The following MYO10 variants were observed in gnomAD, a reference collection of about 807,000 sequenced individuals.
MYO10 encodes the protein unconventional myosin-X.
MYO10 carries 133 observed loss-of-function variants against 257.3 expected under a neutral mutation model. The ratio of observed to expected loss-of-function variants is 0.52; its 90% CI spans 0.45 to 0.60. MYO10 has a LOEUF of 0.60. MYO10 is among the 20% of genes least tolerant of loss of function. The pLI, the probability that MYO10 is intolerant of heterozygous loss-of-function variation, is 0.00. For synonymous variants in MYO10, 1,104 were observed against 1,028.6 expected (o/e 1.07, Z -1.40); for missense variants, 2,399 against 2,635.7 (o/e 0.91, Z 1.97).
intron 2 of MYO10, among the ~76,000 whole-genome samples, chr5:16,837,879 C>T (rs1275485347): frequency 1.3e-5 from 2 of 151,350 alleles, no homozygotes; most frequent in Non-Finnish European, 2.9e-5. Flanking sequence ...ACTTCACATC[C>T]GTGTCATATT....
intron 21 of MYO10, among the ~76,000 whole-genome samples, chr5:16,706,254 T>TA (rs1341271809): frequency 6.7e-6 from 1 of 150,146 alleles, no homozygotes; most frequent in Non-Finnish European, 1.5e-5. Flanking sequence ...TATATACACA[T>TA]ATACTCATAT....
At chr5:16,696,189 A>G (rs1191355774) in intron 26 of MYO10, among the ~76,000 whole-genome samples, 1 of 152,114 alleles carries the variant, frequency 6.6e-6, no homozygotes, top group Non-Finnish European at 1.5e-5. Flanking sequence ...TTATTTATTG[A>G]TAGCACTCAC....
At chr5:16,725,392 C>T (rs1055156558) in intron 19 of MYO10, among the ~76,000 whole-genome samples, 8 of 152,110 alleles carry the variant, frequency 5.3e-5, no homozygotes, top group African/African-American at 1.7e-4. Context: ...CTGTGCCCAG[C>T]CAAAATACTA....
chr5:16,676,823 G>C (rs926586764), intron 33 of MYO10, among the ~76,000 whole-genome samples: 1 of 152,198 alleles, frequency 6.6e-6, no homozygotes, highest in African/African-American at 2.4e-5. Context: ...GGGCAACATA[G>C]TGAGGCCCTG....
rs747780788 is a variant in MYO10 at position 16,680,029 on chromosome 5, C to T, written c.4460G>A (p.Arg1487Gln). The change falls in exon 33 of 41, where the codon CGG becomes CAG. Residue 1487 changes from arginine (R) to glutamine (Q), a missense_variant. Arg to Gln is a conservative substitution (Grantham distance 43). Coordinates refer to ENST00000513610, the MANE Select transcript of MYO10 (RefSeq NM_012334.3). ...CACGTTTTGAATGGCACTGGACCAC[C>T]GGGTGGCCTCGTTGAGCAGCTTGGT... ...LYTKLLNEAT[R>Q]WSSAIQNVTD... 2.3e-5 allele frequency: 37 copies of T among 1,613,712 alleles called. No individual in the cohort carries two copies. Among genetic ancestry groups the T allele is most frequent in the Admixed American group, 2.2e-4 (13 of 59,978 alleles).
chr5:16,905,378 A>T (rs2126787933), intron 1 of MYO10, among the ~76,000 whole-genome samples: 1 of 152,226 alleles, frequency 6.6e-6, no homozygotes, highest in Non-Finnish European at 1.5e-5. Flanking sequence ...GTGTGCCCTT[A>T]CACCCAGAGT....
rs117423560 is a variant in MYO10 at position 16,876,880 on chromosome 5, C to A, written c.120+729G>T. Among the ~76,000 whole-genome samples, 988 of 152,242 alleles carry A rather than the reference C, an allele frequency of 6.5e-3. 68 individuals are homozygous for A. The East Asian group carries it at 0.14, about 22-fold the overall frequency. ...TGAACTGAATGTTTGTATTCTCCCC[C>A]CAAATTAATATGTTGAATTCCTAAT... On this transcript the variant is annotated intron_variant, in intron 2 of 40. Transcript: ENST00000513610.
At chr5:16,916,492 G>A (rs1421149547) in intron 1 of MYO10, 1 of 171,170 alleles carries the variant, frequency 5.8e-6, no homozygotes, top group Admixed American at 5.7e-5. Context: ...GAGGAGAGGA[G>A]AAGCATGGAA....
At chr5:16,847,165 C>T (rs377506832) in intron 2 of MYO10, among the ~76,000 whole-genome samples, 3 of 151,810 alleles carry the variant, frequency 2.0e-5, no homozygotes, top group African/African-American at 7.3e-5. Context: ...GGCACAGTGG[C>T]TCATGCCTGT....
chr5:16,931,856 C>A (rs943827460), intron 1 of MYO10, among the ~76,000 whole-genome samples: 1 of 152,088 alleles, frequency 6.6e-6, no homozygotes, highest in East Asian at 1.9e-4. Flanking sequence ...GAGAAAGCTG[C>A]CAAAAATAAC....
chr5:16,922,687 T>G (rs1414669677), intron 1 of MYO10, among the ~76,000 whole-genome samples: 1 of 152,086 alleles, frequency 6.6e-6, no homozygotes, highest in Non-Finnish European at 1.5e-5. Context: ...AGGGTTGTAG[T>G]TTCGTTTCTG....
chr5:16,735,735 T>C (rs1462371157), intron 19 of MYO10, among the ~76,000 whole-genome samples: 1 of 151,342 alleles, frequency 6.6e-6, no homozygotes, highest in African/African-American at 2.4e-5. Flanking sequence ...TATGACACAT[T>C]ACACACTGGC....
chr5:16,698,188 T>C (rs1169564943), intron 26 of MYO10, among the ~76,000 whole-genome samples: 8 of 152,048 alleles, frequency 5.3e-5, no homozygotes, highest in African/African-American at 1.4e-4. Flanking sequence ...CTGGGCAACA[T>C]AGTGAGATTC....
At chr5:16,688,931 T>C (rs974470869) in intron 28 of MYO10, among the ~76,000 whole-genome samples, 8 of 152,250 alleles carry the variant, frequency 5.3e-5, no homozygotes, top group Middle Eastern at 3.4e-3. Context: ...AATTTTGTGC[T>C]ATGTCTCCTC....
intron 2 of MYO10, among the ~76,000 whole-genome samples, chr5:16,869,876 A>G (rs1461893344): frequency 6.7e-6 from 1 of 148,768 alleles, no homozygotes; most frequent in Non-Finnish European, 1.5e-5. Flanking sequence ...AAAAACTATA[A>G]TAATAATAAT....
intron 32 of MYO10, among the ~76,000 whole-genome samples, chr5:16,680,332 G>A (rs1736934034): frequency 1.3e-5 from 2 of 152,210 alleles, no homozygotes; most frequent in African/African-American, 4.8e-5. Flanking sequence ...ATGAGTATTA[G>A]AACAATAAAC....
chr5:16,792,909 C>T (rs1741815072), intron 4 of MYO10, among the ~76,000 whole-genome samples: 1 of 152,188 alleles, frequency 6.6e-6, no homozygotes, highest in South Asian at 2.1e-4. Flanking sequence ...CCACCCTTTC[C>T]TCTCCCTTTC....
In MYO10 at chr5:16,900,570, C is replaced by T. The variant is rs183845366; in HGVS notation, c.22-22863G>A. Reference sequence around the variant, plus strand: ...AGAGGCAAATTAGCTTTTCAAAAGACGGGGGACCGATCCATCCGGTGACAA... The same window carrying T: ...AGAGGCAAATTAGCTTTTCAAAAGATGGGGGACCGATCCATCCGGTGACAA... On this transcript the variant is annotated intron_variant, in intron 1 of 40. Coordinates refer to ENST00000513610, the MANE Select transcript of MYO10 (RefSeq NM_012334.3). Among the ~76,000 whole-genome samples, 6 of 152,098 alleles carry T rather than the reference C, an allele frequency of 3.9e-5. No homozygotes were observed. The East Asian group carries it at 9.7e-4, about 25-fold the overall frequency.
At position 16,757,305 on chromosome 5, in the gene MYO10, C is replaced by CACACACACACAA. The variant is rs1295744328; in HGVS notation, c.1848+812_1848+813insTTGTGTGTGTGT. 2.6e-3 allele frequency among the ~76,000 whole-genome samples: 204 copies of CACACACACACAA among 78,050 alleles called. 1 individual carries two copies. Among genetic ancestry groups the CACACACACACAA allele is most frequent in the African/African-American group, 9.3e-3 (199 of 21,494 alleles). 51.2% of individuals were successfully genotyped at this position (78,050 alleles called of 152,430 possible). A position where few individuals can be genotyped will look rare whatever the true frequency, so the allele number is the denominator to read the frequency against. On this transcript the variant is annotated intron_variant, in intron 18 of 40. Transcript: ENST00000513610. ...ACCCTGTCTCACACACACACAAACA[C>CACACACACACAA]ACACACACACGCACACACACACACA...
Sources: gnomAD v4.1 joint callset for allele counts (sites outside exome capture counted in the v4.1 genomes callset) on GRCh38, gnomAD v4.1.1 for gene constraint, MANE v1.5 for transcripts, NCBI Gene and HGNC (gene_info 2026-07-23, HGNC 2026-07-21) for gene names.